BMPR1B: variants seen among roughly 807,000 people sequenced by gnomAD.
The protein encoded by BMPR1B is bone morphogenetic protein receptor type 1B.
Under a neutral mutation model 59.1 loss-of-function variants are expected in BMPR1B, and 12 were observed. That is an observed-to-expected ratio of 0.20 (90% CI 0.13 to 0.33). BMPR1B has a LOEUF of 0.33. BMPR1B is among the 10% of genes least tolerant of loss of function. The probability of loss-of-function intolerance (pLI) is 1.00; values close to 1 mark genes in which losing one functional copy is unlikely to be tolerated. For synonymous variants in BMPR1B, 237 were observed against 207.3 expected (o/e 1.14, Z -1.23); for missense variants, 550 against 610.9 (o/e 0.90, Z 1.05).
intron 3 of BMPR1B, among the ~76,000 whole-genome samples, chr4:95,000,529 GAGAA>G (rs2149108501): frequency 6.6e-6 from 1 of 151,956 alleles, no homozygotes; most frequent in South Asian, 2.1e-4. Flanking sequence ...AAGAGAGAGA[GAGAA>G]AGAGAGAAAG....
At chr4:94,990,229 G>A (rs932273937) in intron 2 of BMPR1B, among the ~76,000 whole-genome samples, 4 of 152,016 alleles carry the variant, frequency 2.6e-5, no homozygotes, top group East Asian at 1.9e-4. Flanking sequence ...AGTGGCAGGC[G>A]CCTGTATCCC....
At chr4:95,125,210 A>G (rs1168641086) in intron 8 of BMPR1B, 89 bp downstream of exon 8, 10 of 1,525,114 alleles carry the variant, frequency 6.6e-6, no homozygotes, top group African/African-American at 5.5e-5. Flanking sequence ...GAAATAGGGC[A>G]CTGGACAAGG....
intron 6 of BMPR1B, 66 bp downstream of exon 6, chr4:95,115,853 GA>G: frequency 1.4e-6 from 2 of 1,414,460 alleles, no homozygotes; most frequent in Non-Finnish European, 2.0e-6. Flanking sequence ...CTAAAAACTA[GA>G]ATCGTTCTCT....
intron 2 of BMPR1B, among the ~76,000 whole-genome samples, chr4:94,942,195 A>G (rs1049323418): frequency 1.3e-5 from 2 of 152,254 alleles, no homozygotes; most frequent in African/African-American, 4.8e-5. Flanking sequence ...AAATGGAGTC[A>G]GAATAATTTT....
intron 2 of BMPR1B, among the ~76,000 whole-genome samples, chr4:94,898,304 G>A (rs1032610035): frequency 6.6e-6 from 1 of 151,944 alleles, no homozygotes; most frequent in East Asian, 1.9e-4. Context: ...TTGCTACTTA[G>A]ACTAGATATT....
chr4:95,106,710 G>A (rs1216020595), intron 4 of BMPR1B, among the ~76,000 whole-genome samples: 1 of 152,038 alleles, frequency 6.6e-6, no homozygotes, highest in East Asian at 1.9e-4. Context: ...CTGGGGCTCA[G>A]AGAAGAGGTT....
intron 3 of BMPR1B, among the ~76,000 whole-genome samples, chr4:95,076,561 A>G: frequency 6.6e-6 from 1 of 152,078 alleles, no homozygotes; most frequent in East Asian, 1.9e-4. Context: ...ATATATAAGT[A>G]TTATTATCAT....
chr4:94,882,508 A>G (rs1406673907), intron 2 of BMPR1B, among the ~76,000 whole-genome samples: 1 of 152,184 alleles, frequency 6.6e-6, no homozygotes, highest in Non-Finnish European at 1.5e-5. Context: ...TGTGCTAAGC[A>G]CTCAGCATAT....
At chr4:94,941,849 C>T (rs1469370411) in intron 2 of BMPR1B, among the ~76,000 whole-genome samples, 1 of 152,210 alleles carries the variant, frequency 6.6e-6, no homozygotes, top group Non-Finnish European at 1.5e-5. Flanking sequence ...TGCAAATTCC[C>T]TTGCTTCTGT....
At chr4:95,140,862 A>C (rs947920207) in intron 10 of BMPR1B, among the ~76,000 whole-genome samples, 1 of 152,190 alleles carries the variant, frequency 6.6e-6, no homozygotes. Context: ...GTGAGTATCT[A>C]TTATATTATA....
At chr4:95,085,975 TTGTGTGTGTGTACCTG>T (rs796707814) in intron 3 of BMPR1B, among the ~76,000 whole-genome samples, 15 of 134,010 alleles carry the variant, frequency 1.1e-4, no homozygotes, top group African/African-American at 4.1e-4. Flanking sequence ...GTGGACATAT[TTGTGTGTGTGTACCTG>T]TGTGTGTGTG....
chr4:95,102,993 A>G (rs1278157287), intron 3 of BMPR1B, among the ~76,000 whole-genome samples: 2 of 152,116 alleles, frequency 1.3e-5, no homozygotes, highest in African/African-American at 4.8e-5. Flanking sequence ...CTCATATGCC[A>G]CAGGTGCCCA....
chr4:95,154,760 C>T lies in BMPR1B; in HGVS notation c.*87C>T. On this transcript the variant is annotated 3_prime_UTR_variant, in exon 13 of 13. Transcript: ENST00000515059. ...GAGCAAAAGACATCAAATAAGCATC[C>T]ACAGTACAAGCCTTGAACATCGTCC... The T allele has an allele frequency of 1.3e-6, 2 of 1,567,784 alleles. No individual in the cohort carries two copies. Among genetic ancestry groups the T allele is most frequent in the Middle Eastern group, 1.7e-4 (1 of 5,968 alleles).
chr4:95,024,244 T>G (rs1210017836), intron 3 of BMPR1B, among the ~76,000 whole-genome samples: 1 of 152,206 alleles, frequency 6.6e-6, no homozygotes, highest in East Asian at 1.9e-4. Context: ...TAACTTACCT[T>G]TATTTTAGAA....
At chr4:94,934,471 T>TTTTTTTTTC (rs1553919637) in intron 2 of BMPR1B, among the ~76,000 whole-genome samples, 1 of 150,292 alleles carries the variant, frequency 6.7e-6, no homozygotes, top group Non-Finnish European at 1.5e-5. Context: ...TTTTTTTTTT[T>TTTTTTTTTC]CTCCTCCTTC....
At chr4:95,029,875 A>T (rs1724698571) in intron 3 of BMPR1B, among the ~76,000 whole-genome samples, 1 of 152,154 alleles carries the variant, frequency 6.6e-6, no homozygotes, top group South Asian at 2.1e-4. Flanking sequence ...AGTGATGATG[A>T]GCATTTTTTC....
intron 3 of BMPR1B, among the ~76,000 whole-genome samples, chr4:95,079,189 T>A (rs761115475): frequency 3.9e-5 from 6 of 152,220 alleles, no homozygotes; most frequent in Non-Finnish European, 8.8e-5. Context: ...GCAATCGCAA[T>A]AGAAAATACA....
chr4:94,879,813 A>G (rs1726885723), intron 2 of BMPR1B, among the ~76,000 whole-genome samples: 2 of 152,190 alleles, frequency 1.3e-5, no homozygotes, highest in African/African-American at 2.4e-5. Context: ...GGGCAAGACT[A>G]TACTACACAG....
chr4:94,914,759 G>A (rs1312845653), intron 2 of BMPR1B, among the ~76,000 whole-genome samples: 6 of 152,094 alleles, frequency 3.9e-5, no homozygotes, highest in African/African-American at 1.4e-4. Context: ...AGGGAAATGG[G>A]TGACCGACAT....
Sources: gnomAD v4.1 joint callset for allele counts (sites outside exome capture counted in the v4.1 genomes callset) on GRCh38, gnomAD v4.1.1 for gene constraint, MANE v1.5 for transcripts, NCBI Gene and HGNC (gene_info 2026-07-23, HGNC 2026-07-21) for gene names.